The following KCNS3 variants were observed in gnomAD, a reference collection of about 807,000 sequenced individuals.
KCNS3 encodes potassium voltage-gated channel modifier subfamily S member 3, also known as delayed-rectifier potassium channel regulatory subunit KCNS3.
A neutral mutation model predicts 31.0 loss-of-function variants in KCNS3; 13 were observed. That is an observed-to-expected ratio of 0.42 (90% CI 0.27 to 0.67). KCNS3 has a LOEUF of 0.67. Among genes scored for constraint, KCNS3 ranks in the 30% least tolerant of loss-of-function variants. The pLI is 0.25. For missense variants in KCNS3, 545 were observed against 622.4 expected (o/e 0.88, Z 1.32); for synonymous variants, 238 against 241.5 (o/e 0.99, Z 0.13).
intron 1 of KCNS3, among the ~76,000 whole-genome samples, chr2:17,903,846 C>G (rs1321528458): frequency 6.6e-6 from 1 of 152,118 alleles, no homozygotes. Context: ...TTTTCTTAAT[C>G]CAGTCTATCA....
At chr2:17,886,495 C>T (rs933509419) in intron 1 of KCNS3, among the ~76,000 whole-genome samples, 2 of 152,122 alleles carry the variant, frequency 1.3e-5, no homozygotes, top group Non-Finnish European at 2.9e-5. Context: ...ATGGTACCTT[C>T]GTGAGGCCAC....
At chr2:17,878,210 G>T (rs1470569841), upstream of KCNS3, among the ~76,000 whole-genome samples, 1 of 152,132 alleles carries the variant, frequency 6.6e-6, no homozygotes, top group Non-Finnish European at 1.5e-5. Flanking sequence ...GGAAATCCAG[G>T]CAAATTAGCA....
At chr2:17,893,623 C>T (rs954841694) in intron 1 of KCNS3, among the ~76,000 whole-genome samples, 1 of 152,280 alleles carries the variant, frequency 6.6e-6, no homozygotes, top group South Asian at 2.1e-4. Flanking sequence ...GTATTTCGCT[C>T]GGCTCTCTAA....
At position 17,931,967 on chromosome 2, in the gene KCNS3, G is replaced by A. The variant is rs1662997455; in HGVS notation, c.959G>A (p.Ser320Asn). The A allele has an allele frequency of 1.9e-6, 3 of 1,614,032 alleles. No individual in the cohort carries two copies. The highest frequency in any genetic ancestry group is 2.2e-5 in the South Asian group (2 of 91,072). ...LRSLGATLRH[S>N]YHEVGLLLLF... ...TCTCTAGGTGCCACACTGAGACACA[G>A]CTACCATGAAGTTGGGCTTCTGCTT... is the stretch of plus-strand genomic sequence containing the variant. The change falls in exon 3 of 3, where the codon AGC becomes AAC. Residue 320 changes from serine (S) to asparagine (N), a missense_variant. Physicochemically the swap from Ser to Asn is conservative, Grantham distance 46. Transcript: ENST00000304101. This position sits in a 1 kb window ranked among gnomAD's most constrained non-coding sequence, Gnocchi z 5.4.
intron 1 of KCNS3, among the ~76,000 whole-genome samples, chr2:17,887,492 T>TATCTATCC (rs147089081): frequency 2.0e-5 from 3 of 148,136 alleles, no homozygotes; most frequent in Non-Finnish European, 4.6e-5. Context: ...ATGATCTATC[T>TATCTATCC]ATCTATCTAT....
At chr2:17,882,411 C>A (rs1410769059) in intron 1 of KCNS3, among the ~76,000 whole-genome samples, 1 of 152,190 alleles carries the variant, frequency 6.6e-6, no homozygotes, top group Non-Finnish European at 1.5e-5. Context: ...GAAATTAAGG[C>A]AAACTGAGCC....
At chr2:17,897,574 GT>G (rs1662059670) in intron 1 of KCNS3, among the ~76,000 whole-genome samples, 1 of 152,166 alleles carries the variant, frequency 6.6e-6, no homozygotes, top group South Asian at 2.1e-4. Flanking sequence ...TTTTTCATAT[GT>G]TTGTTGGCCA....
chr2:17,894,929 G>A (rs745439022), intron 1 of KCNS3, among the ~76,000 whole-genome samples: 1 of 152,190 alleles, frequency 6.6e-6, no homozygotes, highest in Non-Finnish European at 1.5e-5. Flanking sequence ...GCTGGAGAAA[G>A]GATAGGTGTG....
intron 1 of KCNS3, among the ~76,000 whole-genome samples, chr2:17,882,408 A>G (rs1674663928): frequency 6.6e-6 from 1 of 152,220 alleles, no homozygotes; most frequent in Non-Finnish European, 1.5e-5. Flanking sequence ...GAAGAAATTA[A>G]GGCAAACTGA....
chr2:17,917,587 C>A (rs1048157071), intron 1 of KCNS3, 93 bp from the exon 2 acceptor site: 2 of 152,254 alleles, frequency 1.3e-5, no homozygotes, highest in Non-Finnish European at 2.9e-5. Context: ...TGAGTCTCAT[C>A]AGCAAAGTGC....
At position 17,893,543 on chromosome 2, in the gene KCNS3, C is replaced by T. The variant is rs570066748; in HGVS notation, c.-252+14737C>T. Among the ~76,000 whole-genome samples, 10 of 152,292 alleles carry T rather than the reference C, an allele frequency of 6.6e-5. No homozygotes were observed. In the East Asian group the frequency reaches 1.4e-3, roughly 21 times the overall value. On this transcript the variant is annotated intron_variant, in intron 1 of 2. Coordinates refer to ENST00000304101, the MANE Select transcript of KCNS3 (RefSeq NM_002252.5). ...TCTGGGCACCCTCATGATGGATCCCCGTGGTGCCAGGCAGGAATGGACTGC... is the reference window on the plus strand; with the variant it reads ...TCTGGGCACCCTCATGATGGATCCCTGTGGTGCCAGGCAGGAATGGACTGC...
chr2:17,894,525 C>T (rs945350568), intron 1 of KCNS3, among the ~76,000 whole-genome samples: 2 of 152,212 alleles, frequency 1.3e-5, no homozygotes, highest in Admixed American at 6.5e-5. Flanking sequence ...TCAGATACCA[C>T]CAAATAGATT....
intron 1 of KCNS3, among the ~76,000 whole-genome samples, chr2:17,886,682 GTCCATCCATCCA>G (rs61140648): frequency 6.7e-5 from 10 of 149,988 alleles, no homozygotes; most frequent in South Asian, 2.1e-4. Context: ...CCATCCGTCC[GTCCATCCATCCA>G]TCCATCCATC....
At chr2:17,893,976 A>C (rs927640350) in intron 1 of KCNS3, among the ~76,000 whole-genome samples, 1 of 102,902 alleles carries the variant, frequency 9.7e-6, no homozygotes. Context: ...TAATATATCT[A>C]TGTATGGGGG....
At chr2:17,919,308 A>C (rs1662660049) in intron 2 of KCNS3, 1 of 152,244 alleles carries the variant, frequency 6.6e-6, no homozygotes, top group African/African-American at 2.4e-5. Flanking sequence ...GAAGGTAGAA[A>C]TACCATTATA....
In KCNS3 at chr2:17,884,261, AAAAAAAAATATATAT is replaced by A. The variant is rs1310049319; in HGVS notation, c.-252+5457_-252+5471del. On this transcript the variant is annotated intron_variant, in intron 1 of 2. Transcript: ENST00000304101. ...CCTAGAACTTAAAGTATAATTAAAA[AAAAAAAAATATATAT>A]ATATATATATATATATATATATATA... Among the ~76,000 whole-genome samples, 41 of 46,840 alleles carry A rather than the reference AAAAAAAAATATATAT, an allele frequency of 8.8e-4. 2 individuals are homozygous for A. The East Asian group carries it at 0.029, about 33-fold the overall frequency. 30.7% of individuals were successfully genotyped at this position (46,840 alleles called of 152,430 possible). A position where few individuals can be genotyped will look rare whatever the true frequency, so the allele number is the denominator to read the frequency against.
rs369263491 is a variant in KCNS3, at chr2:17,932,079, C to T, written c.1071C>T (p.Ile357=). ...KDDHTSSLTS[I]PICWWWATIS... ...ACCACACATCCAGCCTCACCAGCAT[C>T]CCCATCTGCTGGTGGTGGGCCACCA... is the stretch of plus-strand genomic sequence containing the variant. Residue 357 remains isoleucine, a synonymous_variant, in exon 3 of 3, where the codon ATC becomes ATT. Transcript: ENST00000304101. 9.9e-6 allele frequency: 16 copies of T among 1,614,008 alleles called. No individual in the cohort carries two copies. The highest frequency in any genetic ancestry group is 2.7e-5 in the African/African-American group (2 of 74,898).
intron 1 of KCNS3, among the ~76,000 whole-genome samples, chr2:17,886,000 T>G (rs1661646195): frequency 1.3e-5 from 2 of 152,144 alleles, no homozygotes; most frequent in South Asian, 4.1e-4. Flanking sequence ...CCATAGAGCC[T>G]GGGCAACAGA....
chr2:17,932,932 C>G lies in KCNS3; in HGVS notation c.*448C>G, dbSNP rs1200435658. On this transcript the variant is annotated 3_prime_UTR_variant, in exon 3 of 3. Coordinates refer to ENST00000304101, the MANE Select transcript of KCNS3 (RefSeq NM_002252.5). Reference sequence around the variant, plus strand: ...TGTTCTAAACATGGAAACTAGGAGCCTAATAAACTTCCTAATTCAGTATGG... The same window carrying G: ...TGTTCTAAACATGGAAACTAGGAGCGTAATAAACTTCCTAATTCAGTATGG... The G allele has an allele frequency of 1.2e-5, 2 of 168,228 alleles. No individual in the cohort carries two copies. The highest frequency in any genetic ancestry group is 3.8e-4 in the East Asian group (2 of 5,236). The allele number at this position is 168,228 out of a possible 1,614,324, so 10.4% of individuals were successfully genotyped here. A position where few individuals can be genotyped will look rare whatever the true frequency, so the allele number is the denominator to read the frequency against.
Sources: gnomAD v4.1 joint callset for allele counts (sites outside exome capture counted in the v4.1 genomes callset) on GRCh38, gnomAD v4.1.1 for gene constraint, Gnocchi (gnomAD v3.1) non-coding constraint, MANE v1.5 for transcripts, NCBI Gene and HGNC (gene_info 2026-07-23, HGNC 2026-07-21) for gene names.